Variants in FBXO42 observed in about 807,000 individuals in gnomAD.
FBXO42 encodes the protein F-box protein 42.
In FBXO42, 12 loss-of-function variants were observed where a neutral mutation model predicts 71.7. That is an observed-to-expected ratio of 0.17 (90% CI 0.11 to 0.27). The LOEUF (loss-of-function observed/expected upper bound fraction) is 0.27, where lower values mean the gene tolerates loss of function less well. Ranked by LOEUF, FBXO42 falls within the 10% of genes least tolerant of loss-of-function variation. FBXO42 has a pLI of 1.00. For synonymous variants in FBXO42, 325 were observed against 327.5 expected (o/e 0.99, Z 0.08); for missense variants, 707 against 911.9 (o/e 0.78, Z 2.89).
At chr1:16,287,835 G>A (rs2082037254) in intron 4 of FBXO42, among the ~76,000 whole-genome samples, 1 of 152,126 alleles carries the variant, frequency 6.6e-6, no homozygotes, top group Admixed American at 6.5e-5. Flanking sequence ...TGTAATCCCA[G>A]CACTTTGGGA....
intron 1 of FBXO42, among the ~76,000 whole-genome samples, chr1:16,342,396 C>CA (rs34993864): frequency 0.027 from 2,076 of 77,518 alleles, 80 homozygotes; most frequent in African/African-American, 0.088. Context: ...AACTCTGTCT[C>CA]AAAAAAAAAA....
chr1:16,331,827 G>T (rs1210279268), intron 1 of FBXO42, among the ~76,000 whole-genome samples: 1 of 151,842 alleles, frequency 6.6e-6, no homozygotes, highest in African/African-American at 2.4e-5. Context: ...GAGGCGCGCA[G>T]ATCACCTGAG....
chr1:16,342,260 G>A (rs534542699), intron 1 of FBXO42, among the ~76,000 whole-genome samples: 25 of 151,848 alleles, frequency 1.6e-4, no homozygotes, highest in African/African-American at 5.8e-4. Context: ...GCCGGGTGTG[G>A]TGGCACATGC....
intron 1 of FBXO42, among the ~76,000 whole-genome samples, chr1:16,322,588 A>T (rs1437694233): frequency 2.0e-5 from 3 of 152,182 alleles, no homozygotes; most frequent in African/African-American, 7.2e-5. Context: ...AATACAAAAA[A>T]AATTTTAAAA....
chr1:16,350,573 CAA>C (rs60358251), intron 1 of FBXO42, among the ~76,000 whole-genome samples: 1 of 66,788 alleles, frequency 1.5e-5, no homozygotes, highest in Middle Eastern at 7.9e-3. Context: ...ACTAAAATTA[CAA>C]AAAAAAAAAA....
At chr1:16,288,431 AAAAAATAAAAAT>A (rs1349697025) in intron 4 of FBXO42, among the ~76,000 whole-genome samples, 6 of 150,176 alleles carry the variant, frequency 4.0e-5, no homozygotes, top group East Asian at 3.9e-4. Context: ...TCCATCTCAA[AAAAAATAAAAAT>A]AAAAATAAAA....
chr1:16,318,310 C>A (rs916341645), intron 1 of FBXO42, among the ~76,000 whole-genome samples: 24 of 151,942 alleles, frequency 1.6e-4, no homozygotes, highest in African/African-American at 5.6e-4. Flanking sequence ...CCCAGCTACT[C>A]GGGAGGCTGA....
chr1:16,267,332 C>A (rs570598250), intron 4 of FBXO42, among the ~76,000 whole-genome samples: 11 of 152,276 alleles, frequency 7.2e-5, no homozygotes, highest in Non-Finnish European at 1.5e-4. Flanking sequence ...AGTTACAGAA[C>A]CTCTAAACTC....
intron 4 of FBXO42, among the ~76,000 whole-genome samples, chr1:16,273,831 A>G (rs1041704014): frequency 3.3e-5 from 5 of 151,472 alleles, no homozygotes; most frequent in African/African-American, 1.2e-4. Flanking sequence ...GTGAGCCAAG[A>G]TTGTGCCACT....
At position 16,250,567 on chromosome 1, in the gene FBXO42, G is replaced by A; in HGVS notation, c.*103C>T. 7.2e-7 allele frequency: 1 copy of A among 1,379,330 alleles called. No individual in the cohort carries two copies. Among genetic ancestry groups the A allele is most frequent in the South Asian group, 1.5e-5 (1 of 66,238 alleles). The allele number at this position is 1,379,330 out of a possible 1,614,324, so 85.4% of individuals were successfully genotyped here. ...TTCGGTTGGGAATTAAAGAGTTTTG[G>A]CTTCTGGGAGTAATTTTGTTTTCCC... On this transcript the variant is annotated 3_prime_UTR_variant, in exon 10 of 10. Transcript: ENST00000375592. This position sits in a 1 kb window ranked among gnomAD's most constrained non-coding sequence, Gnocchi z 4.7.
intron 1 of FBXO42, among the ~76,000 whole-genome samples, chr1:16,336,826 A>G (rs2082557255): frequency 6.6e-6 from 1 of 151,996 alleles, no homozygotes; most frequent in Admixed American, 6.6e-5. Context: ...TCTACTAAAA[A>G]ATACAAAAAA....
intron 2 of FBXO42, among the ~76,000 whole-genome samples, chr1:16,309,239 T>C (rs1569898876): frequency 6.6e-6 from 1 of 150,902 alleles, no homozygotes; most frequent in East Asian, 2.0e-4. Flanking sequence ...AGCTAATTTT[T>C]TTTTTCTTTT....
At chr1:16,273,541 G>C (rs1285598919) in intron 4 of FBXO42, among the ~76,000 whole-genome samples, 1 of 151,108 alleles carries the variant, frequency 6.6e-6, no homozygotes. Context: ...TATATTCAAA[G>C]TAGAAACAGC....
chr1:16,322,103 A>T (rs2082413721), intron 1 of FBXO42, among the ~76,000 whole-genome samples: 2 of 152,090 alleles, frequency 1.3e-5, no homozygotes, highest in Non-Finnish European at 2.9e-5. Context: ...ATATCCAGAA[A>T]ATGGTAGATC....
At chr1:16,263,580 C>T (rs571231052) in intron 4 of FBXO42, among the ~76,000 whole-genome samples, 1 of 150,766 alleles carries the variant, frequency 6.6e-6, no homozygotes, top group African/African-American at 2.4e-5. Context: ...AAAATTAGCC[C>T]GGCATGGTGG....
chr1:16,341,214 T>C (rs1394653945), intron 1 of FBXO42, among the ~76,000 whole-genome samples: 1 of 152,234 alleles, frequency 6.6e-6, no homozygotes, highest in East Asian at 1.9e-4. Flanking sequence ...ATCCAACATT[T>C]AAAGGATAAA....
chr1:16,255,630 G>A (rs1199696834), intron 6 of FBXO42, 81 bp downstream of exon 6: 8 of 1,184,002 alleles, frequency 6.8e-6, no homozygotes, highest in Non-Finnish European at 8.4e-6. Flanking sequence ...TTAGGCACCT[G>A]GTCCCTAATT....
chr1:16,340,499 A>G (rs2082592561), intron 1 of FBXO42, among the ~76,000 whole-genome samples: 1 of 151,900 alleles, frequency 6.6e-6, no homozygotes, highest in Admixed American at 6.6e-5. Context: ...TTGTATTTTT[A>G]GTAGAGACGG....
Position 16,329,565 on chromosome 1 carries a change from CAGAG to C in FBXO42, c.-17-14134_-17-14131del, listed in dbSNP as rs2082478963. ...CACCACTGCACTCCAGCCTGGGAGA[CAGAG>C]AGAGACTCCATCTATAAATCAATCA... On this transcript the variant is annotated intron_variant, in intron 1 of 9. Transcript: ENST00000375592. 2.6e-5 allele frequency among the ~76,000 whole-genome samples: 4 copies of C among 151,166 alleles called. No homozygotes were observed. In the Admixed American group the frequency reaches 2.7e-4, roughly 10 times the overall value.
Sources: allele counts gnomAD v4.1 joint callset (sites outside exome capture counted in the v4.1 genomes callset), GRCh38; gene constraint gnomAD v4.1.1; non-coding constraint Gnocchi (gnomAD v3.1); transcripts MANE v1.5; gene names NCBI Gene and HGNC (gene_info 2026-07-23, HGNC 2026-07-21).